SNX29: variants seen among roughly 807,000 people sequenced by gnomAD.
SNX29 encodes sorting nexin-29.
A neutral mutation model predicts 102.1 loss-of-function variants in SNX29; 78 were observed. The ratio of observed to expected loss-of-function variants is 0.76; its 90% confidence interval spans 0.64 to 0.92. SNX29 has a LOEUF of 0.92. Ranked by LOEUF, SNX29 falls within the 40% of genes least tolerant of loss-of-function variation. The probability of loss-of-function intolerance (pLI) is 0.00; values close to 1 mark genes in which losing one functional copy is unlikely to be tolerated. For missense variants in SNX29, 1,280 were observed against 1,061.7 expected, an observed-to-expected ratio of 1.21 and a Z score of -2.86; for synonymous variants, 580 against 414.5, an observed-to-expected ratio of 1.40 and a Z score of -4.85.
At chr16:12,158,479 C>T (rs1490465432) in intron 13 of SNX29, among the ~76,000 whole-genome samples, 6 of 152,318 alleles carry the variant, frequency 3.9e-5, no homozygotes, top group South Asian at 2.1e-4. Context: ...GGATAACAGG[C>T]GTGAGCCAGT....
intron 20 of SNX29, among the ~76,000 whole-genome samples, chr16:12,535,860 A>G (rs774675322): frequency 1.8e-4 from 27 of 152,070 alleles, no homozygotes; most frequent in Non-Finnish European, 3.1e-4. Flanking sequence ...TGGGAGCCCT[A>G]TTGGTGCTGT....
chr16:12,363,683 T>A (rs988479354), intron 16 of SNX29, among the ~76,000 whole-genome samples: 3 of 152,222 alleles, frequency 2.0e-5, no homozygotes, highest in Admixed American at 2.0e-4. Context: ...AGAGGCTGAG[T>A]GCATAGACCA....
chr16:12,144,073 C>G lies in SNX29; in HGVS notation c.1595+14315C>G, dbSNP rs1019621161. On this transcript the variant is annotated intron_variant, in intron 13 of 20. Coordinates refer to ENST00000566228, the MANE Select transcript of SNX29 (RefSeq NM_032167.5). ...GCAGGTCTGGAGTGGGGCCTGCTAT[C>G]CTGGAGTTCTAATAAGCTCCCAGGT... 2.6e-5 allele frequency among the ~76,000 whole-genome samples: 4 copies of G among 152,106 alleles called. No individual in the cohort carries two copies. The East Asian group carries it at 7.7e-4, about 29-fold the overall frequency.
At chr16:12,532,078 C>G (rs2076947155) in intron 20 of SNX29, among the ~76,000 whole-genome samples, 1 of 152,180 alleles carries the variant, frequency 6.6e-6, no homozygotes, top group African/African-American at 2.4e-5. Context: ...GGAACCAGGA[C>G]AGGAACATGT....
At chr16:12,003,079 G>A in intron 3 of SNX29, 36 bp downstream of exon 3, 1 of 1,612,772 alleles carries the variant, frequency 6.2e-7, no homozygotes. Flanking sequence ...TGACCATCGA[G>A]GTTGGAAAGG....
In SNX29 at chr16:12,046,958, C is replaced by T. The variant is rs959610744; in HGVS notation, c.499+504C>T. Among the ~76,000 whole-genome samples, 6 of 152,218 alleles carry T rather than the reference C, an allele frequency of 3.9e-5. No individual in the cohort carries two copies. In the South Asian group the frequency reaches 8.3e-4, roughly 21 times the overall value. Reference sequence around the variant, plus strand: ...ATTTATCTAGAATGGGAGACCCTGGCAGAGAAAGTGAAGATTTGAAGGTTT... The same window carrying T: ...ATTTATCTAGAATGGGAGACCCTGGTAGAGAAAGTGAAGATTTGAAGGTTT... On this transcript the variant is annotated intron_variant, in intron 6 of 20. Transcript: ENST00000566228.
At chr16:12,417,207 C>G (rs1305236144) in intron 18 of SNX29, among the ~76,000 whole-genome samples, 1 of 152,212 alleles carries the variant, frequency 6.6e-6, no homozygotes, top group Non-Finnish European at 1.5e-5. Flanking sequence ...TTCCCTCAGG[C>G]TAGTCTGCAG....
chr16:12,410,698 T>C (rs1353554769), intron 18 of SNX29, among the ~76,000 whole-genome samples: 1 of 152,220 alleles, frequency 6.6e-6, no homozygotes, highest in Non-Finnish European at 1.5e-5. Flanking sequence ...CCTCCCAAAG[T>C]GCTGGGATTA....
chr16:12,218,564 C>T (rs77947669), intron 14 of SNX29, among the ~76,000 whole-genome samples: 6,492 of 152,262 alleles, frequency 0.043, 490 homozygotes, highest in African/African-American at 0.15. Flanking sequence ...ATCTGGCCCG[C>T]TGAAGAAAAT....
chr16:12,345,246 T>C (rs2081758413), intron 15 of SNX29, among the ~76,000 whole-genome samples: 1 of 152,340 alleles, frequency 6.6e-6, no homozygotes, highest in South Asian at 2.1e-4. Flanking sequence ...GGGAGCCTCA[T>C]GTAACAGATA....
rs2077294 is a variant in SNX29, at chr16:12,569,561, G to C, written c.*932G>C. On this transcript the variant is annotated 3_prime_UTR_variant, in exon 21 of 21. Transcript: ENST00000566228. ...AGTGTGGACACTTAACAGATCATGT[G>C]TCTCTCCACTAAAAACATTTTCCAT... 613 of 231,054 alleles carry C rather than the reference G, an allele frequency of 2.7e-3. 6 individuals are homozygous for C. The highest frequency in any genetic ancestry group is 0.013 in the African/African-American group (575 of 45,308). 14.3% of individuals were successfully genotyped at this position (231,054 alleles called of 1,614,324 possible).
chr16:12,241,370 G>A (rs527441125), intron 14 of SNX29, among the ~76,000 whole-genome samples: 6 of 152,120 alleles, frequency 3.9e-5, no homozygotes, highest in African/African-American at 1.4e-4. Context: ...CAAAAGTTTT[G>A]TCTTGATCAG....
chr16:12,258,986 T>A (rs1472192904), intron 14 of SNX29, among the ~76,000 whole-genome samples: 2 of 152,188 alleles, frequency 1.3e-5, no homozygotes, highest in Non-Finnish European at 2.9e-5. Flanking sequence ...ACAAGAGTTG[T>A]TCCATCAGCA....
At position 12,511,480 on chromosome 16, in the gene SNX29, G is replaced by C. The variant is rs566546092; in HGVS notation, c.2179-13222G>C. Among the ~76,000 whole-genome samples, 5 of 152,234 alleles carry C rather than the reference G, an allele frequency of 3.3e-5. No individual in the cohort carries two copies. The South Asian group carries it at 1.0e-3, about 32-fold the overall frequency. ...GGCATGTAGGAATCTGGTGATAAAG[G>C]TCCTATTATTGTTACGAGAAACACG... On this transcript the variant is annotated intron_variant, in intron 19 of 20. Transcript: ENST00000566228.
intron 19 of SNX29, among the ~76,000 whole-genome samples, chr16:12,524,472 T>C (rs1209305157): frequency 6.6e-6 from 1 of 151,636 alleles, no homozygotes; most frequent in Non-Finnish European, 1.5e-5. Flanking sequence ...ACACACCAGA[T>C]AGAGGTCTTG....
At chr16:12,233,628 T>A (rs1027108708) in intron 14 of SNX29, among the ~76,000 whole-genome samples, 3 of 152,356 alleles carry the variant, frequency 2.0e-5, no homozygotes, top group African/African-American at 7.2e-5. Flanking sequence ...TATTGAGATA[T>A]AATTCACATG....
chr16:12,505,888 T>G lies in SNX29; in HGVS notation c.2179-18814T>G, dbSNP rs190840999. The stretch of plus-strand genomic sequence containing the variant: ...TCTTCCCAGCCATGACCATGGAATT[T>G]TTTCTATTTAGGCCTTCTTTATTTC... On this transcript the variant is annotated intron_variant, in intron 19 of 20. Coordinates refer to ENST00000566228, the MANE Select transcript of SNX29 (RefSeq NM_032167.5). Among the ~76,000 whole-genome samples, 6 of 151,736 alleles carry G rather than the reference T, an allele frequency of 4.0e-5. No individual in the cohort carries two copies. The East Asian group carries it at 7.8e-4, about 20-fold the overall frequency.
At chr16:12,045,610 A>ATATTATTATTATTATTATTAT in intron 5 of SNX29, among the ~76,000 whole-genome samples, 1,605 of 127,196 alleles carry the variant, frequency 0.013, 32 homozygotes, top group Middle Eastern at 0.059. Context: ...GGCAGGCATT[A>ATATTATTATTATTATTATTAT]TATTATTATT....
At chr16:12,478,196 C>T (rs1040532014) in intron 19 of SNX29, among the ~76,000 whole-genome samples, 3 of 152,138 alleles carry the variant, frequency 2.0e-5, no homozygotes, top group Admixed American at 1.3e-4. Flanking sequence ...TGTAAGCAAC[C>T]GTAGACAGTA....
Sources: allele counts gnomAD v4.1 joint callset (sites outside exome capture counted in the v4.1 genomes callset), GRCh38; gene constraint gnomAD v4.1.1; transcripts MANE v1.5; gene names NCBI Gene and HGNC (gene_info 2026-07-23, HGNC 2026-07-21).